The following TBC1D1 variants were observed in gnomAD, a reference collection of about 807,000 sequenced individuals.
The protein encoded by TBC1D1 is TBC1 (tre-2/USP6, BUB2, cdc16) domain family, member 1.
In TBC1D1, 89 loss-of-function variants were observed where a neutral mutation model predicts 125.6. That is an observed-to-expected ratio of 0.71 (90% CI 0.60 to 0.85). The LOEUF (loss-of-function observed/expected upper bound fraction) is 0.85, where lower values mean the gene tolerates loss of function less well. TBC1D1 is among the 40% of genes least tolerant of loss of function. The pLI, the probability that TBC1D1 is intolerant of heterozygous loss-of-function variation, is 0.00. For synonymous variants in TBC1D1, 565 were observed against 564.1 expected (o/e 1.00, Z -0.02); for missense variants, 1,377 against 1,469.2 (o/e 0.94, Z 1.03).
intron 8 of TBC1D1, among the ~76,000 whole-genome samples, chr4:38,041,924 A>G (rs1748461715): frequency 6.6e-6 from 1 of 152,226 alleles, no homozygotes; most frequent in South Asian, 2.1e-4. Flanking sequence ...CTGTAATCCC[A>G]GCACTTTGGG....
chr4:37,961,921 C>A (rs1379346266), intron 2 of TBC1D1, among the ~76,000 whole-genome samples: 1 of 152,216 alleles, frequency 6.6e-6, no homozygotes, highest in Non-Finnish European at 1.5e-5. Flanking sequence ...AGAAGAGTTA[C>A]AATTTTGTGA....
intron 13 of TBC1D1, 85 bp downstream of exon 15, chr4:38,090,202 A>T: frequency 3.8e-6 from 5 of 1,331,478 alleles, no homozygotes; most frequent in South Asian, 1.3e-5. Context: ...ATGCTGTCTT[A>T]AAAATACAGC....
At chr4:37,900,693 C>A (rs1715779619) in intron 1 of TBC1D1, among the ~76,000 whole-genome samples, 1 of 152,094 alleles carries the variant, frequency 6.6e-6, no homozygotes, top group African/African-American at 2.4e-5. Flanking sequence ...GGCTTGAGAT[C>A]CCACAGACAA....
At chr4:38,030,756 G>A (rs969358559) in intron 7 of TBC1D1, among the ~76,000 whole-genome samples, 20 of 152,170 alleles carry the variant, frequency 1.3e-4, no homozygotes, top group African/African-American at 9.6e-5. Context: ...AATTTGTTTC[G>A]GAAAAAGTCC....
intron 12 of TBC1D1, among the ~76,000 whole-genome samples, chr4:38,073,863 C>T (rs1008050864): frequency 6.6e-6 from 1 of 152,162 alleles, no homozygotes; most frequent in Admixed American, 6.5e-5. Context: ...AAAGAGCCTC[C>T]TCCATGAATG....
At position 38,086,042 on chromosome 4, in the gene TBC1D1, A is replaced by T. The variant is rs1414989927; in HGVS notation, c.2051-3890A>T. The stretch of plus-strand genomic sequence containing the variant: ...TTCTTTGGACTGATTCAGCAGGCCA[A>T]ATTTAGAACAAAGATTTTTAACTAT... On this transcript the variant is annotated intron_variant, in intron 12 of 19. Coordinates refer to ENST00000261439, the MANE Select transcript of TBC1D1 (RefSeq NM_015173.4). 2.6e-5 allele frequency among the ~76,000 whole-genome samples: 4 copies of T among 152,242 alleles called. No individual in the cohort carries two copies. The East Asian group carries it at 7.7e-4, about 29-fold the overall frequency.
At chr4:38,096,870 T>C (rs1368660186) in intron 14 of TBC1D1, among the ~76,000 whole-genome samples, 1 of 152,182 alleles carries the variant, frequency 6.6e-6, no homozygotes, top group African/African-American at 2.4e-5. Flanking sequence ...CTGTAGTAGA[T>C]TGGAAAATTT....
At position 37,995,519 on chromosome 4, in the gene TBC1D1, C is replaced by T. The variant is rs772704037; in HGVS notation, c.418-18990C>T. ...TCAGTACACAGATGGTTTCTCTTCA[C>T]CTTTTGGGTTGCGGTTTTCTCCAGG... On this transcript the variant is annotated intron_variant, in intron 2 of 19. Coordinates refer to ENST00000261439, the MANE Select transcript of TBC1D1 (RefSeq NM_015173.4). This position sits in a 1 kb window ranked among gnomAD's most constrained non-coding sequence, Gnocchi z 4.3. The T allele has an allele frequency of 2.0e-5, 7 of 344,752 alleles. No homozygotes were observed. The highest frequency in any genetic ancestry group is 4.0e-5 in the Non-Finnish European group (7 of 174,026). The allele number at this position is 344,752 out of a possible 1,614,324, so 21.4% of individuals were successfully genotyped here. A position where few individuals can be genotyped will look rare whatever the true frequency, so the allele number is the denominator to read the frequency against.
chr4:38,014,725 C>T lies in TBC1D1; in HGVS notation c.634C>T (p.Pro212Ser), dbSNP rs780996278. ...CAGCGGCAGCCGGGGGTCCGAGAGC[C>T]CCCGCCCCAACCCGCCCCATGCCGC... The change falls in exon 3 of 20, where the codon CCC (proline) becomes TCC (serine). Residue 212 changes from proline to serine, a missense_variant. Physicochemically the swap from Pro to Ser is moderately conservative, Grantham distance 74. Transcript: ENST00000261439. The surrounding 1 kb of genome is among the most constrained non-coding windows in gnomAD (Gnocchi z 5.1). The T allele has an allele frequency of 1.3e-6, 2 of 1,596,582 alleles. No homozygotes were observed. The highest frequency in any genetic ancestry group is 1.7e-6 in the Non-Finnish European group (2 of 1,166,496).
chr4:38,116,071 T>G, intron 16 of TBC1D1, 117 bp downstream of exon 18: 5 of 1,138,248 alleles, frequency 4.4e-6, no homozygotes, highest in Non-Finnish European at 6.3e-6. Flanking sequence ...TAGCTGTCAC[T>G]GCTGATAAAG....
intron 2 of TBC1D1, among the ~76,000 whole-genome samples, chr4:37,941,046 G>A (rs1331868867): frequency 6.6e-6 from 1 of 152,208 alleles, no homozygotes; most frequent in Non-Finnish European, 1.5e-5. Flanking sequence ...TAAAAAATGA[G>A]TTAGGGAGGA....
chr4:38,136,052 A>G (rs1408943882), intron 19 of TBC1D1, among the ~76,000 whole-genome samples: 1 of 152,010 alleles, frequency 6.6e-6, no homozygotes, highest in African/African-American at 2.4e-5. Flanking sequence ...GCACTCCAGG[A>G]TGCAGCTGTG....
At chr4:38,082,423 G>A (rs2152526633) in intron 12 of TBC1D1, among the ~76,000 whole-genome samples, 1 of 152,310 alleles carries the variant, frequency 6.6e-6, no homozygotes, top group East Asian at 1.9e-4. Flanking sequence ...TAATAGGATA[G>A]GGCAAACTGT....
At chr4:38,001,252 T>G (rs539846505) in intron 2 of TBC1D1, among the ~76,000 whole-genome samples, 1 of 144,670 alleles carries the variant, frequency 6.9e-6, no homozygotes, top group African/African-American at 2.7e-5. Context: ...AGAATACCAC[T>G]CAAGAAGAGC....
At chr4:38,032,319 C>T (rs1746319278) in intron 7 of TBC1D1, among the ~76,000 whole-genome samples, 1 of 151,870 alleles carries the variant, frequency 6.6e-6, no homozygotes, top group African/African-American at 2.4e-5. Context: ...ATGCTGTCTC[C>T]CCCAAAAAAA....
rs1309466517 is a variant in TBC1D1, at chr4:37,891,306, G to A, written c.-136G>A. ...CCCCAGGATGCCCCCAAGCACCTGC[G>A]CGTCCCGGCCCGGCCCCGGGCTCTG... On this transcript the variant is annotated 5_prime_UTR_variant, in exon 1 of 20. Transcript: ENST00000261439. 6.6e-6 allele frequency: 1 copy of A among 152,332 alleles called. No individual in the cohort carries two copies. The highest frequency in any genetic ancestry group is 1.5e-5 in the Non-Finnish European group (1 of 68,206). 9.4% of individuals were successfully genotyped at this position (152,332 alleles called of 1,614,324 possible).
intron 2 of TBC1D1, among the ~76,000 whole-genome samples, chr4:37,950,937 C>T (rs1727722931): frequency 6.6e-6 from 1 of 151,718 alleles, no homozygotes; most frequent in African/African-American, 2.4e-5. Flanking sequence ...TTTTATATTT[C>T]TTTTTTAGTA....
In TBC1D1 at chr4:37,902,343, A is replaced by G. The variant is rs769048224; in HGVS notation, c.248A>G (p.Gln83Arg). The change falls in exon 2 of 20, where the codon CAA becomes CGA. Residue 83 changes from glutamine (Q) to arginine (R), a missense_variant. By Grantham distance (43) the Gln-to-Arg change is conservative. Transcript: ENST00000261439. The stretch of plus-strand genomic sequence containing the variant: ...TGTGAACCTGAGCCAGGGAGAAGTC[A>G]ACAGTGGGATCCCCTGATCTATTCC... The G allele has an allele frequency of 1.6e-5, 26 of 1,614,088 alleles. No individual in the cohort carries two copies. The Admixed American group carries it at 1.8e-4, about 11-fold the overall frequency.
chr4:37,898,893 A>G (rs936758579), intron 1 of TBC1D1, among the ~76,000 whole-genome samples: 1 of 152,162 alleles, frequency 6.6e-6, no homozygotes, highest in African/African-American at 2.4e-5. Flanking sequence ...AACCATAACT[A>G]GTTCTCTATC....
Sources: gnomAD v4.1 joint callset for allele counts (sites outside exome capture counted in the v4.1 genomes callset) on GRCh38, gnomAD v4.1.1 for gene constraint, Gnocchi (gnomAD v3.1) non-coding constraint, MANE v1.5 for transcripts, NCBI Gene and HGNC (gene_info 2026-07-23, HGNC 2026-07-21) for gene names.